Variants in PMM2 observed in about 807,000 individuals in gnomAD.
PMM2 encodes phosphomannomutase 2.
A neutral mutation model predicts 33.2 loss-of-function variants in PMM2; 35 were observed. The ratio of observed to expected loss-of-function variants is 1.06; its 90% CI spans 0.81 to 1.40. The LOEUF (loss-of-function observed/expected upper bound fraction) is 1.40. PMM2 is among the 40% of genes most tolerant of loss of function. PMM2 has a pLI of 0.00. For synonymous variants in PMM2, 153 were observed against 114.7 expected, an observed-to-expected ratio of 1.33 and a Z score of -2.13; for missense variants, 386 against 306.0, an observed-to-expected ratio of 1.26 and a Z score of -1.95.
intron 7 of PMM2, chr16:8,831,990 C>T (rs2060812512): frequency 7.2e-6 from 2 of 276,406 alleles, no homozygotes; most frequent in Non-Finnish European, 1.1e-5. Flanking sequence ...AGTTCCCCAA[C>T]TAGAATCAAG....
intron 7 of PMM2, among the ~76,000 whole-genome samples, chr16:8,833,602 C>A (rs372133289): frequency 6.6e-6 from 1 of 151,070 alleles, no homozygotes; most frequent in African/African-American, 2.4e-5. Flanking sequence ...TTAGGGGCGG[C>A]GTGGGAACCT....
At chr16:8,805,383 A>T (rs8058984) in intron 3 of PMM2, among the ~76,000 whole-genome samples, 59,839 of 151,874 alleles carry the variant, frequency 0.39, 12,181 homozygotes, top group Non-Finnish European at 0.46. Flanking sequence ...TTCTTGTTTT[A>T]AAAAGATGGG....
At chr16:8,823,690 A>G (rs1160908119) in intron 7 of PMM2, among the ~76,000 whole-genome samples, 1 of 147,974 alleles carries the variant, frequency 6.8e-6, no homozygotes, top group African/African-American at 2.4e-5. Context: ...TTTATCTACT[A>G]TACCTGCAAA....
intron 7 of PMM2, among the ~76,000 whole-genome samples, chr16:8,837,599 TATA>T (rs1258476351): frequency 6.6e-6 from 1 of 151,046 alleles, no homozygotes; most frequent in African/African-American, 2.4e-5. Flanking sequence ...GGCACAGAGA[TATA>T]AGAGATTGGG....
intron 7 of PMM2, among the ~76,000 whole-genome samples, chr16:8,819,711 C>T (rs34102928): frequency 0.048 from 6,762 of 140,500 alleles, 233 homozygotes; most frequent in Middle Eastern, 0.15. Context: ...AAAAAAAAAA[C>T]AATAAAAATT....
chr16:8,798,020 A>T, intron 1 of PMM2, 72 bp downstream of exon 1: 1 of 1,469,204 alleles, frequency 6.8e-7, no homozygotes, highest in Non-Finnish European at 9.3e-7. Flanking sequence ...GCTATCGACC[A>T]CCCAGGGTAG....
intron 7 of PMM2, among the ~76,000 whole-genome samples, chr16:8,833,306 C>G (rs967583581): frequency 1.4e-4 from 22 of 152,118 alleles, no homozygotes; most frequent in Non-Finnish European, 2.9e-4. Flanking sequence ...TTACAAAGTA[C>G]ATTGATCAGT....
intron 7 of PMM2, among the ~76,000 whole-genome samples, chr16:8,822,107 T>C (rs1466840575): frequency 6.6e-6 from 1 of 152,216 alleles, no homozygotes; most frequent in Admixed American, 6.5e-5. Flanking sequence ...AATTTGGGGA[T>C]CAGAGTTTTT....
chr16:8,828,507 G>A (rs1368600392), intron 7 of PMM2, among the ~76,000 whole-genome samples: 5 of 152,134 alleles, frequency 3.3e-5, no homozygotes, highest in African/African-American at 1.2e-4. Context: ...TAATTCTTAA[G>A]GCTAGACATG....
In PMM2 at chr16:8,848,095, C is replaced by G; in HGVS notation, c.*270C>G. ...CCAGCCCCCTAGTCTAATACCCACCCTGATACGTGCAATCATGTAGTTTTG... is the reference window on the plus strand; with the variant it reads ...CCAGCCCCCTAGTCTAATACCCACCGTGATACGTGCAATCATGTAGTTTTG... On this transcript the variant is annotated 3_prime_UTR_variant, in exon 8 of 8. Coordinates refer to ENST00000268261, the MANE Select transcript of PMM2 (RefSeq NM_000303.3). 2.1e-6 allele frequency: 1 copy of G among 470,912 alleles called. No individual in the cohort carries two copies. The allele number at this position is 470,912 out of a possible 1,614,324, so 29.2% of individuals were successfully genotyped here. A position where few individuals can be genotyped will look rare whatever the true frequency, so the allele number is the denominator to read the frequency against.
At chr16:8,803,475 C>G (rs960842308) in intron 2 of PMM2, among the ~76,000 whole-genome samples, 7 of 152,188 alleles carry the variant, frequency 4.6e-5, no homozygotes, top group African/African-American at 1.7e-4. Context: ...AAAACATTCA[C>G]AGGCCAAAAG....
chr16:8,826,258 A>G (rs928122138), intron 7 of PMM2, among the ~76,000 whole-genome samples: 2 of 152,234 alleles, frequency 1.3e-5, no homozygotes, highest in East Asian at 3.8e-4. Flanking sequence ...AACCAAAAAT[A>G]ATCTTTAAAC....
In PMM2 at chr16:8,848,181, C is replaced by G. The variant is rs916718338; in HGVS notation, c.*356C>G. On this transcript the variant is annotated 3_prime_UTR_variant, in exon 8 of 8. Coordinates refer to ENST00000268261, the MANE Select transcript of PMM2 (RefSeq NM_000303.3). Reference sequence around the variant, plus strand: ...AAGAAAAACTGTGCCTGGACCCTCCCTCTTGGTGGGTCTGTGGAAACATAA... The same window carrying G: ...AAGAAAAACTGTGCCTGGACCCTCCGTCTTGGTGGGTCTGTGGAAACATAA... The G allele has an allele frequency of 6.4e-5, 18 of 279,940 alleles. No individual in the cohort carries two copies. The highest frequency in any genetic ancestry group is 1.9e-4 in the South Asian group (5 of 26,496). 17.3% of individuals were successfully genotyped at this position (279,940 alleles called of 1,614,324 possible).
At chr16:8,837,601 T>G (rs540631045) in intron 7 of PMM2, among the ~76,000 whole-genome samples, 1 of 150,938 alleles carries the variant, frequency 6.6e-6, no homozygotes, top group Admixed American at 6.6e-5. Context: ...CACAGAGATA[T>G]AAGAGATTGG....
At chr16:8,802,560 G>C (rs981555030) in intron 2 of PMM2, among the ~76,000 whole-genome samples, 1 of 152,182 alleles carries the variant, frequency 6.6e-6, no homozygotes, top group Non-Finnish European at 1.5e-5. Flanking sequence ...CAGGCGCGGT[G>C]GCTCACGCTT....
At position 8,831,624 on chromosome 16, in the gene PMM2, C is replaced by T. The variant is rs555705765; in HGVS notation, c.640-16100C>T. ...CACAGCACACACCCACTGCTACCAG[C>T]GAAGCAGTTCACGCAGGCTGTGATA... On this transcript the variant is annotated intron_variant, in intron 7 of 7. Coordinates refer to ENST00000268261, the MANE Select transcript of PMM2 (RefSeq NM_000303.3). Among the ~76,000 whole-genome samples the T allele has an allele frequency of 3.9e-5, 6 of 152,352 alleles. No homozygotes were observed. The South Asian group carries it at 6.2e-4, about 16-fold the overall frequency.
At chr16:8,831,890 T>A (rs1200501076) in intron 7 of PMM2, among the ~76,000 whole-genome samples, 3 of 152,204 alleles carry the variant, frequency 2.0e-5, no homozygotes, top group Non-Finnish European at 4.4e-5. Context: ...TACACTATAA[T>A]GAGAAATTGG....
In PMM2 at chr16:8,813,034, G is replaced by A; in HGVS notation, c.567G>A (p.Lys189=). The A allele has an allele frequency of 1.2e-6, 2 of 1,613,888 alleles. No homozygotes were observed. Among genetic ancestry groups the A allele is most frequent in the Middle Eastern group, 1.7e-4 (1 of 6,058 alleles). ...ATGTCTTTCCTGATGGATGGGACAA[G>A]AGATACTGTCTGCGACATGTGGAAA... ...SFDVFPDGWD[K]RYCLRHVEND... is the part of the protein sequence containing the mutation. The change falls in exon 7 of 8, where the codon AAG becomes AAA. Residue 189 remains lysine, a synonymous_variant. Transcript: ENST00000268261.
Position 8,804,280 on chromosome 16 carries a change from A to G in PMM2, c.179-487A>G, listed in dbSNP as rs181446560. 9.3e-3 allele frequency among the ~76,000 whole-genome samples: 1,367 copies of G among 146,864 alleles called. 34 individuals carry two copies. The highest frequency in any genetic ancestry group is 0.033 in the African/African-American group (1,307 of 39,892). On this transcript the variant is annotated intron_variant, in intron 2 of 7. Transcript: ENST00000268261. ...GGTCTGGAACTCCTGACCTAGTAAA[A>G]CCCCGCCAGCCTCAGCCTCCCAAAG...
Sources: gnomAD v4.1 joint callset for allele counts (sites outside exome capture counted in the v4.1 genomes callset) on GRCh38, gnomAD v4.1.1 for gene constraint, MANE v1.5 for transcripts, NCBI Gene and HGNC (gene_info 2026-07-23, HGNC 2026-07-21) for gene names.